The following AK4 variants were observed in gnomAD, a reference collection of about 807,000 sequenced individuals.
AK4 encodes adenylate kinase 4, mitochondrial.
In AK4, 13 loss-of-function variants were observed where a neutral mutation model predicts 24.6. That is an observed-to-expected ratio of 0.53 (90% CI 0.34 to 0.84). AK4 has a LOEUF of 0.84. Among genes scored for constraint, AK4 ranks in the 40% least tolerant of loss-of-function variants. AK4 has a pLI of 0.01. For synonymous variants in AK4, 88 were observed against 107.0 expected, an observed-to-expected ratio of 0.82 and a Z score of 1.10; for missense variants, 192 against 288.2, an observed-to-expected ratio of 0.67 and a Z score of 2.42.
chr1:65,215,140 A>AT (rs1350191731), intron 2 of AK4, among the ~76,000 whole-genome samples: 2 of 140,812 alleles, frequency 1.4e-5, no homozygotes, highest in Non-Finnish European at 1.5e-5. Flanking sequence ...ATCATCATTG[A>AT]TTTTTTTTCT....
chr1:65,178,846 G>A (rs1219538750), intron 1 of AK4, among the ~76,000 whole-genome samples: 1 of 152,166 alleles, frequency 6.6e-6, no homozygotes, highest in Non-Finnish European at 1.5e-5. Context: ...TGAATGATAA[G>A]GAAATGAGGG....
chr1:65,220,067 G>T (rs985982589), intron 3 of AK4, among the ~76,000 whole-genome samples: 1 of 152,172 alleles, frequency 6.6e-6, no homozygotes, highest in Non-Finnish European at 1.5e-5. Flanking sequence ...TTTTTTGGAG[G>T]CTTGGTAGCT....
chr1:65,174,538 G>A (rs973338690), intron 1 of AK4, among the ~76,000 whole-genome samples: 5 of 151,898 alleles, frequency 3.3e-5, no homozygotes, highest in African/African-American at 4.8e-5. Flanking sequence ...AAATACTGTT[G>A]GGATCCTTTG....
intron 1 of AK4, among the ~76,000 whole-genome samples, chr1:65,178,213 C>T (rs866122871): frequency 5.9e-5 from 9 of 152,268 alleles, no homozygotes; most frequent in Non-Finnish European, 1.2e-4. Flanking sequence ...GGATTATAAT[C>T]TGCTCTGGAG....
intron 1 of AK4, among the ~76,000 whole-genome samples, chr1:65,158,415 G>A (rs949889723): frequency 2.6e-5 from 4 of 152,130 alleles, no homozygotes; most frequent in Admixed American, 2.6e-4. Context: ...TTAAGGAGTT[G>A]GAAATTTTGT....
chr1:65,182,892 C>T (rs990841086), intron 1 of AK4, among the ~76,000 whole-genome samples: 3 of 152,108 alleles, frequency 2.0e-5, no homozygotes, highest in Admixed American at 2.0e-4. Flanking sequence ...AGTGTAAGAG[C>T]CTCTATATCT....
chr1:65,190,344 G>A (rs905107595), intron 1 of AK4, among the ~76,000 whole-genome samples: 1 of 149,046 alleles, frequency 6.7e-6, no homozygotes, highest in African/African-American at 2.5e-5. Flanking sequence ...CTCCCTGCAA[G>A]TGCAAACTCC....
rs1652478504 is a variant in AK4 at position 65,226,823 on chromosome 1, TTTTTGG to T, written c.*647_*652del. On this transcript the variant is annotated 3_prime_UTR_variant, in exon 5 of 5. Coordinates refer to ENST00000327299, the MANE Select transcript of AK4 (RefSeq NM_013410.4). ...AATTTGGCTTTTTTTTTTCTTTTTT[TTTTTGG>T]ACATCTGTTTTCACTCTTAGGCTTT... The T allele has an allele frequency of 6.8e-6, 1 of 147,776 alleles. No homozygotes were observed. Among genetic ancestry groups the T allele is most frequent in the African/African-American group, 2.6e-5 (1 of 37,972 alleles). 9.2% of individuals were successfully genotyped at this position (147,776 alleles called of 1,614,324 possible). A position where few individuals can be genotyped will look rare whatever the true frequency, so the allele number is the denominator to read the frequency against.
intron 1 of AK4, among the ~76,000 whole-genome samples, chr1:65,179,588 C>T (rs191709938): frequency 2.0e-4 from 31 of 152,272 alleles, no homozygotes; most frequent in African/African-American, 5.1e-4. Flanking sequence ...CCTGTAATCC[C>T]GGCACTTTGG....
chr1:65,206,926 A>G (rs996571341), intron 2 of AK4, among the ~76,000 whole-genome samples: 4 of 152,366 alleles, frequency 2.6e-5, no homozygotes, highest in East Asian at 1.9e-4. Context: ...CTTACTTAAG[A>G]ACAAGGGTTA....
chr1:65,152,936 A>T (rs1277258356), intron 1 of AK4, among the ~76,000 whole-genome samples: 1 of 152,198 alleles, frequency 6.6e-6, no homozygotes, highest in Non-Finnish European at 1.5e-5. Flanking sequence ...TCAACAATGT[A>T]TCTAAAACAG....
At chr1:65,225,184 T>A (rs777769326) in intron 4 of AK4, among the ~76,000 whole-genome samples, 54 of 152,232 alleles carry the variant, frequency 3.5e-4, no homozygotes, top group Non-Finnish European at 6.5e-4. Flanking sequence ...GTCCCACATA[T>A]GTTGATACTC....
intron 4 of AK4, 68 bp downstream of exon 4, chr1:65,224,938 C>A: frequency 8.0e-7 from 1 of 1,247,736 alleles, no homozygotes; most frequent in South Asian, 1.2e-5. Flanking sequence ...CTGGGAGGAA[C>A]ACGGGGCTGA....
Position 65,148,533 on chromosome 1 carries a change from G to C in AK4, c.126G>C (p.Glu42Asp), listed in dbSNP as rs536559371. The change falls in exon 1 of 5, where the codon GAG becomes GAC. Residue 42 changes from glutamate (E) to aspartate (D), a missense_variant. Glu to Asp is a conservative substitution (Grantham distance 45). Coordinates refer to ENST00000327299, the MANE Select transcript of AK4 (RefSeq NM_013410.4). ...QHLSSGHFLR[E>D]NIKASTEVGE... ...TCTCCAGCGGCCACTTCTTGCGGGA[G>C]AACATCAAGGCCAGCACCGGTGAGG... 4.8e-5 allele frequency: 77 copies of C among 1,600,512 alleles called. No homozygotes were observed. Among genetic ancestry groups the C allele is most frequent in the Non-Finnish European group, 6.0e-5 (71 of 1,173,614 alleles).
chr1:65,168,794 G>A (rs1650416417), intron 1 of AK4, among the ~76,000 whole-genome samples: 1 of 152,170 alleles, frequency 6.6e-6, no homozygotes. Flanking sequence ...TTGGGCCAGA[G>A]ATTTTCTCCC....
At chr1:65,186,296 A>G (rs1262049538) in intron 1 of AK4, among the ~76,000 whole-genome samples, 3 of 151,842 alleles carry the variant, frequency 2.0e-5, no homozygotes, top group African/African-American at 7.3e-5. Context: ...TCACCATACC[A>G]AGCTAATTTT....
At chr1:65,224,609 C>G in intron 3 of AK4, 143 bp from the exon 4 acceptor site, 1 of 656,918 alleles carries the variant, frequency 1.5e-6, no homozygotes, top group Admixed American at 2.4e-5. Context: ...TTCTACTACT[C>G]TTAAAATTAC....
At chr1:65,159,014 T>TACTAGTTAAACAACTG (rs1424228588) in intron 1 of AK4, among the ~76,000 whole-genome samples, 1 of 152,186 alleles carries the variant, frequency 6.6e-6, no homozygotes, top group East Asian at 1.9e-4. Context: ...TCTGAGAGTT[T>TACTAGTTAAACAACTG]TTGTACTAGT....
intron 1 of AK4, among the ~76,000 whole-genome samples, chr1:65,157,938 A>G (rs1195857173): frequency 1.3e-5 from 2 of 152,216 alleles, no homozygotes; most frequent in African/African-American, 4.8e-5. Context: ...TACAGCTACA[A>G]AAAGATGGCA....
Sources: allele counts gnomAD v4.1 joint callset (sites outside exome capture counted in the v4.1 genomes callset), GRCh38; gene constraint gnomAD v4.1.1; transcripts MANE v1.5; gene names NCBI Gene and HGNC (gene_info 2026-07-23, HGNC 2026-07-21).